Variants in BABAM2 observed in about 807,000 individuals in gnomAD.
The protein encoded by BABAM2 is BRISC and BRCA1 A complex member 2.
Under a neutral mutation model 54.7 loss-of-function variants are expected in BABAM2, and 31 were observed. That is an observed-to-expected ratio of 0.57 (90% CI 0.43 to 0.77). The LOEUF (loss-of-function observed/expected upper bound fraction) is 0.77, where lower values mean the gene tolerates loss of function less well. Among genes scored for constraint, BABAM2 ranks in the 30% least tolerant of loss-of-function variants. The pLI is 0.00. For missense variants in BABAM2, 364 were observed against 455.8 expected, an observed-to-expected ratio of 0.80 and a Z score of 1.83; for synonymous variants, 167 against 162.9, an observed-to-expected ratio of 1.03 and a Z score of -0.19.
At chr2:27,978,024 A>G (rs191004650) in intron 3 of BABAM2, among the ~76,000 whole-genome samples, 50 of 152,252 alleles carry the variant, frequency 3.3e-4, no homozygotes, top group African/African-American at 1.2e-3. Flanking sequence ...CACCTCTTCA[A>G]AGTTTTTCGT....
chr2:28,020,858 G>A (rs997309265), intron 4 of BABAM2, among the ~76,000 whole-genome samples: 10 of 151,284 alleles, frequency 6.6e-5, no homozygotes, highest in African/African-American at 1.5e-4. Flanking sequence ...AGTCCCCCCC[G>A]TTATTTTTAG....
At chr2:28,075,616 G>A (rs766492646) in intron 6 of BABAM2, among the ~76,000 whole-genome samples, 16 of 151,530 alleles carry the variant, frequency 1.1e-4, no homozygotes, top group Non-Finnish European at 2.1e-4. Flanking sequence ...TTTAGGGGCC[G>A]TCACCTGCTT....
rs560217930 is a variant in BABAM2, at chr2:28,205,497, G to A, written c.681-31705G>A. Among the ~76,000 whole-genome samples, 9 of 152,038 alleles carry A rather than the reference G, an allele frequency of 5.9e-5. No individual in the cohort carries two copies. In the East Asian group the frequency reaches 1.2e-3, roughly 20 times the overall value. Reference sequence around the variant, plus strand: ...CAGCCTGGCGACAGAGCAAGACTCCGTCTCAAAAATAAAAATAAAATAAAA... The same window carrying A: ...CAGCCTGGCGACAGAGCAAGACTCCATCTCAAAAATAAAAATAAAATAAAA... On this transcript the variant is annotated intron_variant, in intron 7 of 11. Transcript: ENST00000379624.
chr2:28,198,956 C>T (rs544386453), intron 7 of BABAM2, among the ~76,000 whole-genome samples: 1 of 152,186 alleles, frequency 6.6e-6, no homozygotes. Context: ...CCACTCTGAA[C>T]TTTAGGGAGG....
At chr2:27,905,016 T>G (rs1666090664) in intron 2 of BABAM2, among the ~76,000 whole-genome samples, 1 of 152,232 alleles carries the variant, frequency 6.6e-6, no homozygotes, top group African/African-American at 2.4e-5. Context: ...TTACTAGATG[T>G]TTTATCATTT....
At chr2:28,229,675 C>T (rs1359253638) in intron 7 of BABAM2, among the ~76,000 whole-genome samples, 1 of 151,972 alleles carries the variant, frequency 6.6e-6, no homozygotes, top group Non-Finnish European at 1.5e-5. Context: ...ACCTCTGCCT[C>T]CCAGGTTCAA....
At chr2:28,302,108 T>C (rs935701711) in intron 11 of BABAM2, among the ~76,000 whole-genome samples, 1 of 152,184 alleles carries the variant, frequency 6.6e-6, no homozygotes, top group Non-Finnish European at 1.5e-5. Flanking sequence ...TCATTCAACA[T>C]AATTGTTTAA....
intron 9 of BABAM2, among the ~76,000 whole-genome samples, chr2:28,244,430 T>A (rs138702694): frequency 2.7e-5 from 4 of 146,944 alleles, no homozygotes; most frequent in Non-Finnish European, 6.0e-5. Context: ...ATGTAATAAC[T>A]CACATTTGTA....
At chr2:27,978,194 C>G (rs896756778) in intron 3 of BABAM2, among the ~76,000 whole-genome samples, 1 of 152,080 alleles carries the variant, frequency 6.6e-6, no homozygotes, top group African/African-American at 2.4e-5. Context: ...AGAGTTCTTG[C>G]TCTGACTTCA....
intron 7 of BABAM2, among the ~76,000 whole-genome samples, chr2:28,235,935 T>C (rs150776954): frequency 9.4e-4 from 143 of 152,196 alleles, no homozygotes; most frequent in African/African-American, 3.1e-3. Flanking sequence ...GCTGGGATTA[T>C]AGTCATGAGC....
At chr2:27,932,584 T>C (rs1456974692) in intron 3 of BABAM2, among the ~76,000 whole-genome samples, 2 of 152,214 alleles carry the variant, frequency 1.3e-5, no homozygotes, top group African/African-American at 2.4e-5. Flanking sequence ...TCAACTGCTC[T>C]AGCTCTCCTC....
chr2:27,912,434 T>C (rs992114986), intron 2 of BABAM2, among the ~76,000 whole-genome samples: 1 of 152,174 alleles, frequency 6.6e-6, no homozygotes, highest in African/African-American at 2.4e-5. Context: ...TCTTTTGGAA[T>C]TGTCATTGGC....
intron 6 of BABAM2, among the ~76,000 whole-genome samples, chr2:28,088,848 A>G (rs1050445882): frequency 3.3e-5 from 5 of 152,134 alleles, no homozygotes; most frequent in Non-Finnish European, 7.4e-5. Flanking sequence ...ATCTCGATAC[A>G]TATCTTGTGG....
chr2:28,117,162 G>A (rs1269089033), intron 6 of BABAM2, among the ~76,000 whole-genome samples: 1 of 152,174 alleles, frequency 6.6e-6, no homozygotes, highest in African/African-American at 2.4e-5. Context: ...GCCTGGTACT[G>A]CAGGCAGATT....
At chr2:28,258,934 C>A (rs1420129233) in intron 10 of BABAM2, among the ~76,000 whole-genome samples, 247 of 133,558 alleles carry the variant, frequency 1.8e-3, no homozygotes, top group Middle Eastern at 0.018. Context: ...ACGCCACCAC[C>A]CCCAGCTAAT....
rs541856808 is a variant in BABAM2, at chr2:28,036,919, G to T, written c.496-8806G>T. ...CAAAATAGACTTTAAGTTCCTTGAG[G>T]ACACATAGACTGTTTTGTCTTAAGT... is the stretch of plus-strand genomic sequence containing the variant. On this transcript the variant is annotated intron_variant, in intron 5 of 11. Coordinates refer to ENST00000379624, the MANE Select transcript of BABAM2 (RefSeq NM_199191.3). Among the ~76,000 whole-genome samples the T allele has an allele frequency of 1.4e-3, 218 of 152,236 alleles. 1 individual carries two copies. Among genetic ancestry groups the T allele is most frequent in the African/African-American group, 4.8e-3 (198 of 41,556 alleles).
intron 10 of BABAM2, among the ~76,000 whole-genome samples, chr2:28,275,580 T>A (rs765903771): frequency 2.6e-5 from 4 of 152,172 alleles, no homozygotes; most frequent in Non-Finnish European, 5.9e-5. Flanking sequence ...AGCTTAGTTG[T>A]GTGTCTAGAG....
At chr2:28,165,356 G>A (rs151306639) in intron 7 of BABAM2, among the ~76,000 whole-genome samples, 314 of 152,144 alleles carry the variant, frequency 2.1e-3, no homozygotes, top group Non-Finnish European at 3.5e-3. Context: ...TGGTTGGTTC[G>A]GGGAGCTTGA....
At chr2:28,084,416 T>C (rs1665459509) in intron 6 of BABAM2, among the ~76,000 whole-genome samples, 1 of 152,154 alleles carries the variant, frequency 6.6e-6, no homozygotes, top group Non-Finnish European at 1.5e-5. Flanking sequence ...TATAGAAGTG[T>C]ATAGATAGAA....
Sources: allele counts gnomAD v4.1 joint callset (sites outside exome capture counted in the v4.1 genomes callset), GRCh38; gene constraint gnomAD v4.1.1; transcripts MANE v1.5; gene names NCBI Gene and HGNC (gene_info 2026-07-23, HGNC 2026-07-21).